MYO1F: variants seen among roughly 807,000 people sequenced by gnomAD.
The protein encoded by MYO1F is myosin IF.
Under a neutral mutation model 146.6 loss-of-function variants are expected in MYO1F, and 60 were observed. The observed-to-expected ratio is 0.41, with a 90% CI of 0.33 to 0.51. MYO1F has a LOEUF of 0.51. MYO1F is among the 20% of genes least tolerant of loss of function. The pLI is 0.25. For synonymous variants in MYO1F, 602 were observed against 602.1 expected (o/e 1.00, Z 0.00); for missense variants, 1,274 against 1,534.3 (o/e 0.83, Z 2.83).
At chr19:8,539,142 C>T (rs909626727) in intron 16 of MYO1F, among the ~76,000 whole-genome samples, 12 of 151,904 alleles carry the variant, frequency 7.9e-5, no homozygotes, top group African/African-American at 1.9e-4. Flanking sequence ...AGGCCGAGCG[C>T]GGTGGCTCAC....
intron 16 of MYO1F, among the ~76,000 whole-genome samples, chr19:8,539,104 A>T (rs1186140711): frequency 6.6e-6 from 1 of 151,714 alleles, no homozygotes; most frequent in African/African-American, 2.4e-5. Flanking sequence ...ACATGGTGAA[A>T]CCCCATCTCT....
chr19:8,547,134 CAA>C (rs1295139531), intron 12 of MYO1F, among the ~76,000 whole-genome samples: 1 of 151,662 alleles, frequency 6.6e-6, no homozygotes, highest in African/African-American at 2.4e-5. Context: ...ACCAACTCTA[CAA>C]AAAAGTTTTA....
chr19:8,563,515 CTT>C (rs111757104), intron 1 of MYO1F, among the ~76,000 whole-genome samples: 1 of 147,226 alleles, frequency 6.8e-6, no homozygotes. Flanking sequence ...TTCTTTCTTT[CTT>C]TTTTTTTTGA....
At chr19:8,535,084 G>A (rs919223692) in intron 19 of MYO1F, among the ~76,000 whole-genome samples, 9 of 151,964 alleles carry the variant, frequency 5.9e-5, no homozygotes, top group African/African-American at 1.9e-4. Context: ...GCTAATTTTT[G>A]TACTTTTAAT....
In MYO1F at chr19:8,536,969, G is replaced by A. The variant is rs1452790957; in HGVS notation, c.1779C>T (p.Pro593=). The change falls in exon 17 of 28, where the codon CCC becomes CCT. Residue 593 remains proline, a synonymous_variant. Transcript: ENST00000644032. Reference sequence around the variant, plus strand: ...ATCACCTGTTCTCCTCCCAGTCTCGGGGCCTCTTGGTCTCGTTGGGTTTGA... The same window carrying A: ...ATCACCTGTTCTCCTCCCAGTCTCGAGGCCTCTTGGTCTCGTTGGGTTTGA... The part of the protein sequence containing the change: ...RCIKPNETKR[P]RDWEENRVKH... The A allele has an allele frequency of 1.9e-6, 3 of 1,613,308 alleles. No individual in the cohort carries two copies. Among genetic ancestry groups the A allele is most frequent in the Non-Finnish European group, 8.5e-7 (1 of 1,179,748 alleles).
rs573248456 is a variant in MYO1F at position 8,536,358 on chromosome 19, C to A, written c.1937G>T (p.Arg646Leu). ...ILTPETWPRW[R>L]GDERQGVQHL... ...CTGGACGCCCTGGCGTTCGTCCCCA[C>A]GCCACCGCGGCCACGTCTCGGGGGT... The change falls in exon 19 of 28, where the codon CGT becomes CTT. Residue 646 changes from arginine to leucine, a missense_variant. By Grantham distance (102) the Arg-to-Leu change is moderately radical (BLOSUM62 -2). Around this residue, in one of 2 missense-constraint regions of MYO1F, gnomAD observed 900 missense variants for 1,155.1 expected, o/e 0.78. Transcript: ENST00000644032. The A allele has an allele frequency of 9.3e-6, 15 of 1,604,684 alleles. No individual in the cohort carries two copies. Among genetic ancestry groups the A allele is most frequent in the Non-Finnish European group, 1.2e-5 (14 of 1,179,668 alleles).
At chr19:8,551,031 C>T (rs186819415) in intron 8 of MYO1F, among the ~76,000 whole-genome samples, 1 of 149,406 alleles carries the variant, frequency 6.7e-6, no homozygotes, top group African/African-American at 2.5e-5. Context: ...CAGGCGTGAG[C>T]GTCGTGTCCG....
chr19:8,572,579 T>C, intron 1 of MYO1F, among the ~76,000 whole-genome samples: 1 of 152,086 alleles, frequency 6.6e-6, no homozygotes, highest in East Asian at 1.9e-4. Flanking sequence ...CAGTTAGTGG[T>C]CTTAACTGAT....
chr19:8,548,397 C>G (rs1599976973), intron 10 of MYO1F, 80 bp from the exon 11 acceptor site: 1 of 1,328,272 alleles, frequency 7.5e-7, no homozygotes, highest in African/African-American at 1.4e-5. Context: ...TAGACACACG[C>G]CTAGCCAACT....
In MYO1F at chr19:8,555,657, A is replaced by G. The variant is rs1973818056; in HGVS notation, c.141+2T>C. On this transcript the variant is annotated splice_donor_variant, in intron 2 of 27. Coordinates refer to ENST00000644032, the MANE Select transcript of MYO1F (RefSeq NM_012335.4). LOFTEE classifies it high-confidence loss of function. The stretch of plus-strand genomic sequence containing the variant: ...CCCACCCCCAGCCTTGGCCCAGGGT[A>G]CGAAGATGTAGTCGTCCATGAAGCG... The G allele has an allele frequency of 6.2e-7, 1 of 1,613,924 alleles. No individual in the cohort carries two copies. Among genetic ancestry groups the G allele is most frequent in the Admixed American group, 1.7e-5 (1 of 59,968 alleles).
intron 4 of MYO1F, 42 bp downstream of exon 4, chr19:8,554,435 G>T: frequency 6.6e-7 from 1 of 1,525,202 alleles, no homozygotes; most frequent in Non-Finnish European, 9.1e-7. Flanking sequence ...TTCAGCAGGG[G>T]CCCGGGCAGC....
chr19:8,570,651 G>A (rs2042092005), intron 1 of MYO1F, among the ~76,000 whole-genome samples: 1 of 151,938 alleles, frequency 6.6e-6, no homozygotes, highest in Non-Finnish European at 1.5e-5. Flanking sequence ...ACGGGCACTG[G>A]GATGAGCCAC....
At chr19:8,526,201 CCTG>C (rs1237027927) in intron 24 of MYO1F, among the ~76,000 whole-genome samples, 1 of 152,180 alleles carries the variant, frequency 6.6e-6, no homozygotes, top group Admixed American at 6.5e-5. Flanking sequence ...GTGGCAGGCG[CCTG>C]TAATCCCAGC....
Position 8,522,652 on chromosome 19 carries a change from G to A in MYO1F, c.3032C>T (p.Pro1011Leu). 6.2e-7 allele frequency: 1 copy of A among 1,613,920 alleles called. No individual in the cohort carries two copies. The highest frequency in any genetic ancestry group is 8.5e-7 in the Non-Finnish European group (1 of 1,179,978). ...CACCTACCCGGCCATGCCCTGGTCAGGCACGTTGAGGAATTCTGTGTTGTG... is the reference window on the plus strand; with the variant it reads ...CACCTACCCGGCCATGCCCTGGTCAAGCACGTTGAGGAATTCTGTGTTGTG... Reference protein sequence around the residue: ...SEHNTEFLNVPDQGMAGMQRK... With the variant: ...SEHNTEFLNVLDQGMAGMQRK... Residue 1011 changes from proline (P) to leucine (L), a missense_variant, in exon 26 of 28, where the codon CCT becomes CTT. Pro to Leu is a moderately conservative substitution (Grantham distance 98). Coordinates refer to ENST00000644032, the MANE Select transcript of MYO1F (RefSeq NM_012335.4).
chr19:8,571,798 C>T (rs968125479), intron 1 of MYO1F, among the ~76,000 whole-genome samples: 1 of 151,934 alleles, frequency 6.6e-6, no homozygotes, highest in African/African-American at 2.4e-5. Context: ...GGGGTTTCAC[C>T]ATGTTAGCCA....
At chr19:8,543,747 G>C (rs1357176544) in intron 14 of MYO1F, among the ~76,000 whole-genome samples, 25 of 10,012 alleles carry the variant, frequency 2.5e-3, no homozygotes, top group South Asian at 4.0e-3. Context: ...GGTGGTGCTG[G>C]TGGTGGTGGT....
rs80079374 is a variant in MYO1F at position 8,550,724 on chromosome 19, C to T, written c.772-30G>A. ...GGTACAACGGGGGCAGAAACTGTGC[C>T]GTGAATCCTGGCCTCCAACCTGCCT... On this transcript the variant is annotated intron_variant, in intron 8 of 27. Transcript: ENST00000644032. The T allele has an allele frequency of 0.01, 16,240 of 1,613,266 alleles. 110 individuals are homozygous for T. Among genetic ancestry groups the T allele is most frequent in the Middle Eastern group, 0.02 (120 of 6,052 alleles).
At chr19:8,538,179 TG>T (rs1266726568) in intron 16 of MYO1F, among the ~76,000 whole-genome samples, 8 of 151,162 alleles carry the variant, frequency 5.3e-5, no homozygotes, top group Non-Finnish European at 1.0e-4. Flanking sequence ...TTGGCTGGGC[TG>T]GTCTTCAACT....
At chr19:8,572,549 T>A (rs2042130079) in intron 1 of MYO1F, among the ~76,000 whole-genome samples, 1 of 152,122 alleles carries the variant, frequency 6.6e-6, no homozygotes, top group Non-Finnish European at 1.5e-5. Context: ...ATTACAGGTG[T>A]GAGCCACTGT....
Sources: allele counts gnomAD v4.1 joint callset (sites outside exome capture counted in the v4.1 genomes callset), GRCh38; gene constraint gnomAD v4.1.1; regional missense constraint gnomAD v4.1.1; transcripts MANE v1.5; gene names NCBI Gene and HGNC (gene_info 2026-07-23, HGNC 2026-07-21).